Variants in ASB18 observed in about 807,000 individuals in gnomAD.
The protein encoded by ASB18 is ankyrin repeat and SOCS box containing 18.
A neutral mutation model predicts 33.4 loss-of-function variants in ASB18; 33 were observed. The observed-to-expected ratio is 0.99, with a 90% CI of 0.75 to 1.32. ASB18 has a LOEUF of 1.32. ASB18 is among the 40% of genes most tolerant of loss of function. The pLI is 0.00. For synonymous variants in ASB18, 295 were observed against 307.6 expected (o/e 0.96, Z 0.43); for missense variants, 694 against 655.5 (o/e 1.06, Z -0.64).
intron 3 of ASB18, among the ~76,000 whole-genome samples, chr2:236,227,613 C>G (rs1313742024): frequency 6.6e-6 from 1 of 152,160 alleles, no homozygotes; most frequent in African/African-American, 2.4e-5. Context: ...GGTAAAATAT[C>G]TATGTGTAGA....
At chr2:236,210,029 CCT>C (rs946353961) in intron 4 of ASB18, among the ~76,000 whole-genome samples, 2 of 152,198 alleles carry the variant, frequency 1.3e-5, no homozygotes, top group South Asian at 2.1e-4. Context: ...AGGTGAAACC[CCT>C]GTTCTGTGCT....
In ASB18 at chr2:236,253,563, T is replaced by C. The variant is rs2060678171; in HGVS notation, c.205+10578A>G. ...ATTATTATTATTATTATTATTATTATTGTGGTGGGAGATGGGGTCTCACTG... is the reference window on the plus strand; with the variant it reads ...ATTATTATTATTATTATTATTATTACTGTGGTGGGAGATGGGGTCTCACTG... On this transcript the variant is annotated intron_variant, in intron 1 of 5. Coordinates refer to ENST00000409749, the MANE Select transcript of ASB18 (RefSeq NM_212556.4). This position sits in a 1 kb window ranked among gnomAD's most constrained non-coding sequence, Gnocchi z 5.4. Among the ~76,000 whole-genome samples the C allele has an allele frequency of 6.6e-6, 1 of 151,494 alleles. No individual in the cohort carries two copies. The highest frequency in any genetic ancestry group is 1.5e-5 in the Non-Finnish European group (1 of 67,908).
chr2:236,220,900 T>G lies in ASB18; in HGVS notation c.597-6034A>C, dbSNP rs2060507907. ...GGAGAAGTGTTTCTCCTCTTATCAC[T>G]CCACAGGAATTCCTGGACAGACTCA... is the stretch of plus-strand genomic sequence containing the variant. On this transcript the variant is annotated intron_variant, in intron 3 of 5. Coordinates refer to ENST00000409749, the MANE Select transcript of ASB18 (RefSeq NM_212556.4). This position sits in a 1 kb window ranked among gnomAD's most constrained non-coding sequence, Gnocchi z 5.1. Among the ~76,000 whole-genome samples the G allele has an allele frequency of 6.6e-6, 1 of 152,094 alleles. No individual in the cohort carries two copies. The highest frequency in any genetic ancestry group is 1.5e-5 in the Non-Finnish European group (1 of 68,004).
chr2:236,231,479 C>T lies in ASB18; in HGVS notation c.596+6210G>A, dbSNP rs937597927. ...TCTGCCATGTGACAATGCAGCAACA[C>T]AATGCCATCTTGGAAGCAACACAAT... On this transcript the variant is annotated intron_variant, in intron 3 of 5. Coordinates refer to ENST00000409749, the MANE Select transcript of ASB18 (RefSeq NM_212556.4). This position sits in a 1 kb window ranked among gnomAD's most constrained non-coding sequence, Gnocchi z 5.5. 2.0e-5 allele frequency among the ~76,000 whole-genome samples: 3 copies of T among 151,576 alleles called. No individual in the cohort carries two copies. Among genetic ancestry groups the T allele is most frequent in the African/African-American group, 4.8e-5 (2 of 41,258 alleles).
chr2:236,252,689 G>A lies in ASB18; in HGVS notation c.206-11287C>T, dbSNP rs2106284848. Among the ~76,000 whole-genome samples, 1 of 152,322 alleles carries A rather than the reference G, an allele frequency of 6.6e-6. No individual in the cohort carries two copies. The highest frequency in any genetic ancestry group is 2.4e-5 in the African/African-American group (1 of 41,574). On this transcript the variant is annotated intron_variant, in intron 1 of 5. Transcript: ENST00000409749. This position sits in a 1 kb window ranked among gnomAD's most constrained non-coding sequence, Gnocchi z 7.9. ...GGAAGGCAGCCAGCCCTTTGATGAT[G>A]TGGAGGGGTCAGGCAGAGGGGCACC...
rs1405305828 is a variant in ASB18, at chr2:236,196,238, G to T, written c.1215+34C>A. 2.5e-6 allele frequency: 3 copies of T among 1,220,568 alleles called. No individual in the cohort carries two copies. Among genetic ancestry groups the T allele is most frequent in the Non-Finnish European group, 3.6e-6 (3 of 844,848 alleles). The allele number at this position is 1,220,568 out of a possible 1,614,324, so 75.6% of individuals were successfully genotyped here. ...AGAAGCAAAAACAGACAAAAGTTTT[G>T]TACTAAAGATGGGCAGAAAGGCAGC... On this transcript the variant is annotated intron_variant, in intron 5 of 5. Transcript: ENST00000409749. This position sits in a 1 kb window ranked among gnomAD's most constrained non-coding sequence, Gnocchi z 5.6.
rs1030661602 is a variant in ASB18 at position 236,216,527 on chromosome 2, T to G, written c.597-1661A>C. On this transcript the variant is annotated intron_variant, in intron 3 of 5. Coordinates refer to ENST00000409749, the MANE Select transcript of ASB18 (RefSeq NM_212556.4). This position sits in a 1 kb window ranked among gnomAD's most constrained non-coding sequence, Gnocchi z 6.1. The stretch of plus-strand genomic sequence containing the variant: ...TGGGGTCTTGCTCTAGATGACTTGC[T>G]TCTTGCCATTTTCCTGTCTTTCTAT... 1.3e-5 allele frequency among the ~76,000 whole-genome samples: 2 copies of G among 152,224 alleles called. No homozygotes were observed. Among genetic ancestry groups the G allele is most frequent in the African/African-American group, 4.8e-5 (2 of 41,454 alleles).
rs1257962612 is a variant in ASB18, at chr2:236,263,743, T to C, written c.205+398A>G. Among the ~76,000 whole-genome samples, 2 of 152,172 alleles carry C rather than the reference T, an allele frequency of 1.3e-5. No individual in the cohort carries two copies. Among genetic ancestry groups the C allele is most frequent in the Non-Finnish European group, 2.9e-5 (2 of 68,032 alleles). ...TTGGTTTAAGTATTTCAGTAGGGGA[T>C]TGAAATTGGGAAGACTATGTAGCAA... On this transcript the variant is annotated intron_variant, in intron 1 of 5. Transcript: ENST00000409749. The surrounding 1 kb of genome is among the most constrained non-coding windows in gnomAD (Gnocchi z 4.0).
In ASB18 at chr2:236,238,731, G is replaced by A. The variant is rs993586738; in HGVS notation, c.329-775C>T. ...AAAAAGCCCGTGGAAGGTTGTTAGCGGCCAGGAGCGCTCGTGGAAATGGGG... is the reference window on the plus strand; with the variant it reads ...AAAAAGCCCGTGGAAGGTTGTTAGCAGCCAGGAGCGCTCGTGGAAATGGGG... On this transcript the variant is annotated intron_variant, in intron 2 of 5. Transcript: ENST00000409749. This position sits in a 1 kb window ranked among gnomAD's most constrained non-coding sequence, Gnocchi z 5.2. Among the ~76,000 whole-genome samples, 5 of 152,068 alleles carry A rather than the reference G, an allele frequency of 3.3e-5. No individual in the cohort carries two copies. The highest frequency in any genetic ancestry group is 5.9e-5 in the Non-Finnish European group (4 of 68,018).
chr2:236,232,296 A>G (rs1184239984), intron 3 of ASB18, among the ~76,000 whole-genome samples: 1 of 151,934 alleles, frequency 6.6e-6, no homozygotes. Context: ...AGTATTTAAA[A>G]CTGATCGAAA....
intron 3 of ASB18, among the ~76,000 whole-genome samples, chr2:236,227,095 AT>A (rs771639736): frequency 3.7e-4 from 56 of 152,328 alleles, no homozygotes; most frequent in South Asian, 1.5e-3. Flanking sequence ...AAAGAACTTA[AT>A]TTTGAACAAG....
Position 236,194,042 on chromosome 2 carries a change from C to A in ASB18, c.*830G>T, listed in dbSNP as rs945781476. Among the ~76,000 whole-genome samples, 3 of 151,634 alleles carry A rather than the reference C, an allele frequency of 2.0e-5. No individual in the cohort carries two copies. Among genetic ancestry groups the A allele is most frequent in the South Asian group, 2.1e-4 (1 of 4,808 alleles). ...GGGGTGGACTCTGGCCACGCACGAC[C>A]CTGAACTAGAATAAGCACATTAGAA... On this transcript the variant is annotated 3_prime_UTR_variant, in exon 6 of 6. Transcript: ENST00000409749. The surrounding 1 kb of genome is among the most constrained non-coding windows in gnomAD (Gnocchi z 4.5).
chr2:236,197,338 G>A (rs7564581), intron 4 of ASB18, among the ~76,000 whole-genome samples: 39,861 of 152,058 alleles, frequency 0.26, 8,220 homozygotes, highest in African/African-American at 0.58. Context: ...ATTCCAGTTA[G>A]GGCCGATATA....
chr2:236,214,770 C>A lies in ASB18; in HGVS notation c.693G>T (p.Leu231=). 8.4e-7 allele frequency: 1 copy of A among 1,190,676 alleles called. No homozygotes were observed. The highest frequency in any genetic ancestry group is 1.0e-6 in the Non-Finnish European group (1 of 961,608). The allele number at this position is 1,190,676 out of a possible 1,614,324, so 73.8% of individuals were successfully genotyped here. A position where few individuals can be genotyped will look rare whatever the true frequency, so the allele number is the denominator to read the frequency against. Residue 231 remains leucine, a synonymous_variant, in exon 4 of 6, where the codon CTG becomes CTT. Transcript: ENST00000409749. This position sits in a 1 kb window ranked among gnomAD's most constrained non-coding sequence, Gnocchi z 6.5. ...CCAGGTACAGGCGCGCGTGCTCGTC[C>A]AGGCCGCGCTGCGCCGCCACGTGCA... ...TPLHVAAQRG[L]DEHARLYLGR... is the part of the protein sequence containing the mutation.
In ASB18 at chr2:236,208,981, G is replaced by A. The variant is rs11902623; in HGVS notation, c.1101+5381C>T. Among the ~76,000 whole-genome samples, 26,118 of 151,874 alleles carry A rather than the reference G, an allele frequency of 0.17. 2,264 individuals carry two copies. The highest frequency in any genetic ancestry group is 0.25 in the South Asian group (1,197 of 4,798). On this transcript the variant is annotated intron_variant, in intron 4 of 5. Coordinates refer to ENST00000409749, the MANE Select transcript of ASB18 (RefSeq NM_212556.4). This position sits in a 1 kb window ranked among gnomAD's most constrained non-coding sequence, Gnocchi z 7.7. ...TTATATGTAGATGGAGAAATAAAAC[G>A]ACAGCAAGAAAAACACAGGCGCCCT...
At chr2:236,227,637 A>C (rs915636176) in intron 3 of ASB18, among the ~76,000 whole-genome samples, 13 of 152,108 alleles carry the variant, frequency 8.5e-5, no homozygotes, top group African/African-American at 2.9e-4. Context: ...AAAATTGTAT[A>C]GTATGAAAAT....
At position 236,249,810 on chromosome 2, in the gene ASB18, C is replaced by T. The variant is rs372210061; in HGVS notation, c.206-8408G>A. 3 of 152,002 alleles carry T rather than the reference C, an allele frequency of 2.0e-5. No homozygotes were observed. The highest frequency in any genetic ancestry group is 4.4e-5 in the Non-Finnish European group (3 of 68,012). 9.4% of individuals were successfully genotyped at this position (152,002 alleles called of 1,614,324 possible). A position where few individuals can be genotyped will look rare whatever the true frequency, so the allele number is the denominator to read the frequency against. On this transcript the variant is annotated intron_variant, in intron 1 of 5. Coordinates refer to ENST00000409749, the MANE Select transcript of ASB18 (RefSeq NM_212556.4). The surrounding 1 kb of genome is among the most constrained non-coding windows in gnomAD (Gnocchi z 4.6). ...AAGAATCCAAGCAGGAGAGGAGGCC[C>T]GGCTTGTGTCTGGCTAACTGAGTGA...
In ASB18 at chr2:236,214,507, G is replaced by T; in HGVS notation, c.956C>A (p.Ala319Glu). 6.8e-7 allele frequency: 1 copy of T among 1,477,514 alleles called. No homozygotes were observed. The highest frequency in any genetic ancestry group is 2.4e-5 in the Admixed American group (1 of 41,052). The allele number at this position is 1,477,514 out of a possible 1,614,324, so 91.5% of individuals were successfully genotyped here. A position where few individuals can be genotyped will look rare whatever the true frequency, so the allele number is the denominator to read the frequency against. The change falls in exon 4 of 6, where the codon GCG (alanine) becomes GAG (glutamate). Residue 319 changes from alanine (A) to glutamate (E), a missense_variant. Physicochemically the swap from Ala to Glu is moderately radical, Grantham distance 107. Transcript: ENST00000409749. This position sits in a 1 kb window ranked among gnomAD's most constrained non-coding sequence, Gnocchi z 6.5. ...ARLLLRHGAD[A>E]GALDYGGASP... ...GGCCCCGCCATAGTCGAGCGCGCCC[G>T]CGTCGGCGCCGTGCCGCAGTAGGAG... is the stretch of plus-strand genomic sequence containing the variant.
Position 236,209,897 on chromosome 2 carries a change from C to T in ASB18, c.1101+4465G>A, listed in dbSNP as rs149319271. On this transcript the variant is annotated intron_variant, in intron 4 of 5. Transcript: ENST00000409749. The surrounding 1 kb of genome is among the most constrained non-coding windows in gnomAD (Gnocchi z 4.4). ...TTGCCGTGCCTGTCCTGCTCCAGGACATTTGCCCAGGACGTCTGTCTAGAA... is the reference window on the plus strand; with the variant it reads ...TTGCCGTGCCTGTCCTGCTCCAGGATATTTGCCCAGGACGTCTGTCTAGAA... 2.0e-5 allele frequency among the ~76,000 whole-genome samples: 3 copies of T among 152,324 alleles called. No individual in the cohort carries two copies. In the East Asian group the frequency reaches 5.8e-4, roughly 29 times the overall value.
Sources: gnomAD v4.1 joint callset for allele counts (sites outside exome capture counted in the v4.1 genomes callset) on GRCh38, gnomAD v4.1.1 for gene constraint, Gnocchi (gnomAD v3.1) non-coding constraint, MANE v1.5 for transcripts, NCBI Gene and HGNC (gene_info 2026-07-23, HGNC 2026-07-21) for gene names.